The following MAGI2 variants were observed in gnomAD, a reference collection of about 807,000 sequenced individuals.
MAGI2 encodes the protein membrane-associated guanylate kinase, WW and PDZ domain-containing protein 2.
MAGI2 carries 35 observed loss-of-function variants against 133.3 expected under a neutral mutation model. The observed-to-expected ratio is 0.26, with a 90% CI of 0.20 to 0.35. MAGI2 has a LOEUF of 0.35. Among genes scored for constraint, MAGI2 ranks in the 10% least tolerant of loss-of-function variants. The pLI, the probability that MAGI2 is intolerant of heterozygous loss-of-function variation, is 1.00. For missense variants in MAGI2, 1,636 were observed against 1,863.4 expected (o/e 0.88, Z 2.25); for synonymous variants, 729 against 710.6 (o/e 1.03, Z -0.41).
chr7:78,773,256 A>G (rs1379779757), intron 2 of MAGI2, among the ~76,000 whole-genome samples: 1 of 152,124 alleles, frequency 6.6e-6, no homozygotes, highest in Non-Finnish European at 1.5e-5. Context: ...GACTGCATGT[A>G]TTTTCTATTA....
At position 79,083,248 on chromosome 7, in the gene MAGI2, T is replaced by C. The variant is rs184670848; in HGVS notation, c.302-76042A>G. Among the ~76,000 whole-genome samples, 434 of 151,610 alleles carry C rather than the reference T, an allele frequency of 2.9e-3. 1 individual carries two copies. Among genetic ancestry groups the C allele is most frequent in the African/African-American group, 0.01 (419 of 41,430 alleles). ...GAAGTGGTATGAGCATACATATTTG[T>C]CTTGTTACTGATTTAAGGGGAAAAC... On this transcript the variant is annotated intron_variant, in intron 1 of 21. Coordinates refer to ENST00000354212, the MANE Select transcript of MAGI2 (RefSeq NM_012301.4).
At chr7:78,886,771 A>G (rs4730559) in intron 2 of MAGI2, among the ~76,000 whole-genome samples, 5,126 of 152,302 alleles carry the variant, frequency 0.034, 254 homozygotes, top group East Asian at 0.22. Flanking sequence ...GGATTAACTC[A>G]AAATTTCCTT....
chr7:78,153,472 T>G (rs1824091274), intron 16 of MAGI2, among the ~76,000 whole-genome samples: 1 of 152,280 alleles, frequency 6.6e-6, no homozygotes, highest in East Asian at 1.9e-4. Context: ...GCCATCAATT[T>G]ACAAGTGTGC....
At chr7:78,536,194 G>C (rs1275597781) in intron 3 of MAGI2, among the ~76,000 whole-genome samples, 2 of 121,620 alleles carry the variant, frequency 1.6e-5, no homozygotes, top group East Asian at 2.7e-4. Flanking sequence ...CTCACTGCAA[G>C]CTCCGCCTCC....
intron 2 of MAGI2, among the ~76,000 whole-genome samples, chr7:78,633,672 C>T (rs1182150354): frequency 2.8e-5 from 4 of 143,908 alleles, no homozygotes; most frequent in African/African-American, 7.8e-5. Context: ...CGCCACTGCA[C>T]TCCAGCCTGG....
intron 1 of MAGI2, among the ~76,000 whole-genome samples, chr7:79,072,208 G>A (rs1232306577): frequency 6.6e-6 from 1 of 152,128 alleles, no homozygotes; most frequent in African/African-American, 2.4e-5. Context: ...AATCTTGCTG[G>A]GACCTGCAGA....
rs1325567249 is a variant in MAGI2, at chr7:78,160,271, C to T, written c.2599G>A (p.Glu867Lys). The part of the protein sequence containing the change: ...TVRRKVLCGG[E>K]PCPENGRSPG... Reference sequence around the variant, plus strand: ...CTTCTCCCGTTCTCTGGGCAGGGCTCCCCTGCAAAATATACCACACACAGG... The same window carrying T: ...CTTCTCCCGTTCTCTGGGCAGGGCTTCCCTGCAAAATATACCACACACAGG... Residue 867 changes from glutamate to lysine, a missense_variant and splice_region_variant, in exon 16 of 22, where the codon GAG becomes AAG. By Grantham distance (56) the Glu-to-Lys change is moderately conservative. This residue lies in a region of MAGI2 where 920 missense variants were observed against 1,093.5 expected (regional missense o/e 0.84). Coordinates refer to ENST00000354212, the MANE Select transcript of MAGI2 (RefSeq NM_012301.4). The T allele has an allele frequency of 1.9e-6, 3 of 1,581,896 alleles. No individual in the cohort carries two copies. Among genetic ancestry groups the T allele is most frequent in the East Asian group, 2.2e-5 (1 of 44,446 alleles).
At chr7:78,599,113 G>T (rs1804917891) in intron 3 of MAGI2, among the ~76,000 whole-genome samples, 1 of 152,116 alleles carries the variant, frequency 6.6e-6, no homozygotes, top group Non-Finnish European at 1.5e-5. Flanking sequence ...ATGTGACCTT[G>T]TATTTTGGCA....
At chr7:78,669,990 C>G (rs1410030155) in intron 2 of MAGI2, among the ~76,000 whole-genome samples, 1 of 151,642 alleles carries the variant, frequency 6.6e-6, no homozygotes, top group Admixed American at 6.6e-5. Flanking sequence ...AAACTGGAAG[C>G]ATTCCCTTTG....
At chr7:79,209,396 A>G (rs1158376131) in intron 1 of MAGI2, among the ~76,000 whole-genome samples, 1 of 152,078 alleles carries the variant, frequency 6.6e-6, no homozygotes, top group Admixed American at 6.6e-5. Flanking sequence ...ATATTGTGAA[A>G]CATCTTAAAG....
chr7:79,070,584 C>T (rs539248336), intron 1 of MAGI2, among the ~76,000 whole-genome samples: 13 of 151,836 alleles, frequency 8.6e-5, no homozygotes, highest in African/African-American at 2.7e-4. Flanking sequence ...CTCCACCTCC[C>T]GGGTTTACAC....
intron 21 of MAGI2, among the ~76,000 whole-genome samples, chr7:78,036,270 ATTAC>A (rs1322961308): frequency 1.3e-5 from 2 of 152,184 alleles, no homozygotes; most frequent in Admixed American, 1.3e-4. Flanking sequence ...CTTTGTGCAA[ATTAC>A]TTAACTTCTC....
chr7:78,477,576 G>A (rs892032469), intron 6 of MAGI2, among the ~76,000 whole-genome samples: 1 of 151,838 alleles, frequency 6.6e-6, no homozygotes, highest in African/African-American at 2.4e-5. Flanking sequence ...TTACATGGCA[G>A]CAGGCAAGAA....
chr7:79,445,844 C>T (rs1168467905), intron 1 of MAGI2, among the ~76,000 whole-genome samples: 2 of 152,174 alleles, frequency 1.3e-5, no homozygotes, highest in African/African-American at 2.4e-5. Context: ...ATAAGTCATG[C>T]TTCTATAAAG....
At chr7:79,447,484 T>C (rs1848937339) in intron 1 of MAGI2, among the ~76,000 whole-genome samples, 1 of 152,016 alleles carries the variant, frequency 6.6e-6, no homozygotes, top group Non-Finnish European at 1.5e-5. Flanking sequence ...AGCTTCAAGG[T>C]AGATGTTTCC....
At chr7:78,141,697 T>G (rs990439773) in intron 16 of MAGI2, among the ~76,000 whole-genome samples, 2 of 152,104 alleles carry the variant, frequency 1.3e-5, no homozygotes, top group Admixed American at 1.3e-4. Flanking sequence ...ATTCAAAAAG[T>G]GCGTTTTCCC....
chr7:78,090,466 G>A (rs1326279522), intron 20 of MAGI2, among the ~76,000 whole-genome samples: 1 of 152,174 alleles, frequency 6.6e-6, no homozygotes, highest in Non-Finnish European at 1.5e-5. Flanking sequence ...CTTTGGGGGA[G>A]GTGAGGGTGT....
At chr7:79,148,932 T>G (rs1284696196) in intron 1 of MAGI2, among the ~76,000 whole-genome samples, 1 of 146,390 alleles carries the variant, frequency 6.8e-6, no homozygotes, top group Non-Finnish European at 1.5e-5. Flanking sequence ...TTCAGGAGAG[T>G]GTGGAAGGAA....
intron 1 of MAGI2, among the ~76,000 whole-genome samples, chr7:79,303,221 C>A (rs60751630): frequency 0.029 from 4,433 of 152,138 alleles, 228 homozygotes; most frequent in African/African-American, 0.1. Context: ...ATTCAGGTGA[C>A]CCATGCACTG....
Sources: gnomAD v4.1 joint callset for allele counts (sites outside exome capture counted in the v4.1 genomes callset) on GRCh38, gnomAD v4.1.1 for gene constraint, gnomAD v4.1.1 regional missense constraint, MANE v1.5 for transcripts, NCBI Gene and HGNC (gene_info 2026-07-23, HGNC 2026-07-21) for gene names.